Variants in RAD51B observed in about 807,000 individuals in gnomAD.
The protein encoded by RAD51B is RAD51 paralog B.
A neutral mutation model predicts 42.2 loss-of-function variants in RAD51B; 38 were observed. The observed-to-expected ratio is 0.90, with a 90% confidence interval of 0.70 to 1.18. RAD51B has a LOEUF of 1.18. RAD51B is among the 50% of genes most tolerant of loss of function. The pLI, the probability that RAD51B is intolerant of heterozygous loss-of-function variation, is 0.00. For synonymous variants in RAD51B, 154 were observed against 145.2 expected, an observed-to-expected ratio of 1.06 and a Z score of -0.43; for missense variants, 373 against 400.7, an observed-to-expected ratio of 0.93 and a Z score of 0.59.
At chr14:68,137,359 G>A (rs913535593) in intron 7 of RAD51B, among the ~76,000 whole-genome samples, 1 of 152,136 alleles carries the variant, frequency 6.6e-6, no homozygotes, top group African/African-American at 2.4e-5. Context: ...GCTATGGTAA[G>A]AAATTACTAC....
chr14:68,326,027 C>CTTTTTTTTTTTTTT (rs1156621815), intron 8 of RAD51B, among the ~76,000 whole-genome samples: 1 of 51,636 alleles, frequency 1.9e-5, no homozygotes, highest in Non-Finnish European at 4.3e-5. Context: ...TGTTGTTATT[C>CTTTTTTTTTTTTTT]TTTTTCTTTT....
At chr14:68,010,339 A>G (rs149740409) in intron 7 of RAD51B, among the ~76,000 whole-genome samples, 3 of 152,020 alleles carry the variant, frequency 2.0e-5, no homozygotes, top group African/African-American at 7.2e-5. Flanking sequence ...ATGCAAGTCA[A>G]TATATAATCA....
chr14:68,226,501 T>A (rs1382968827), intron 7 of RAD51B, among the ~76,000 whole-genome samples: 3 of 152,164 alleles, frequency 2.0e-5, no homozygotes, highest in African/African-American at 7.2e-5. Flanking sequence ...GGGTCTTTCC[T>A]GTGCTGTTTT....
intron 8 of RAD51B, among the ~76,000 whole-genome samples, chr14:68,351,009 G>A (rs1182522549): frequency 6.6e-6 from 1 of 152,184 alleles, no homozygotes; most frequent in Non-Finnish European, 1.5e-5. Context: ...ATTTTCAGTA[G>A]CTCCACTGAA....
intron 10 of RAD51B, chr14:68,562,376 A>G (rs981622481): frequency 2.0e-6 from 2 of 985,358 alleles, no homozygotes; most frequent in Non-Finnish European, 1.2e-6. Context: ...AAGGCTCTTG[A>G]GCAAATGCAG....
At chr14:68,387,882 A>G (rs1420992427) in intron 8 of RAD51B, among the ~76,000 whole-genome samples, 1 of 152,148 alleles carries the variant, frequency 6.6e-6, no homozygotes, top group Non-Finnish European at 1.5e-5. Flanking sequence ...AATTTCAAGG[A>G]CAGTATGAGG....
intron 7 of RAD51B, chr14:68,236,200 G>C (rs977365601): frequency 2.0e-5 from 3 of 152,060 alleles, no homozygotes; most frequent in Non-Finnish European, 4.4e-5. Context: ...ATGTGCCCCT[G>C]AACCTAAAAT....
chr14:68,549,082 C>G (rs1000221305), intron 10 of RAD51B, among the ~76,000 whole-genome samples: 1 of 152,132 alleles, frequency 6.6e-6, no homozygotes, highest in Non-Finnish European at 1.5e-5. Flanking sequence ...AGAGTGGGAG[C>G]TGAGGGTTTT....
chr14:67,865,230 C>A, intron 5 of RAD51B, 91 bp downstream of exon 5: 1 of 1,201,830 alleles, frequency 8.3e-7, no homozygotes, highest in Non-Finnish European at 1.1e-6. Flanking sequence ...TTTACCACCC[C>A]TCCCCCTTGC....
In RAD51B at chr14:68,497,180, A is replaced by C. The variant is rs898627902; in HGVS notation, c.1036+28930A>C. The stretch of plus-strand genomic sequence containing the variant: ...GCAAACCTGTTCATCTTGCCAAGAA[A>C]AATCCGCTTTTCTGCCACAGAAACA... On this transcript the variant is annotated intron_variant, in intron 10 of 10. Coordinates refer to the RAD51B transcript ENST00000487270. 3.6e-6 allele frequency: 5 copies of C among 1,395,714 alleles called. No homozygotes were observed. The African/African-American group carries it at 7.1e-5, about 20-fold the overall frequency. The allele number at this position is 1,395,714 out of a possible 1,614,324, so 86.5% of individuals were successfully genotyped here.
At chr14:68,494,848 T>C (rs2331706) in intron 10 of RAD51B, among the ~76,000 whole-genome samples, 100,214 of 151,568 alleles carry the variant, frequency 0.66, 34,322 homozygotes, top group African/African-American at 0.85. Context: ...GCAGAGTATG[T>C]GATAAGAGAT....
At chr14:68,525,993 T>C (rs969394248) in intron 10 of RAD51B, among the ~76,000 whole-genome samples, 31 of 152,250 alleles carry the variant, frequency 2.0e-4, no homozygotes, top group African/African-American at 7.5e-4. Flanking sequence ...GAAATTGGAA[T>C]TCCTGAGGCT....
chr14:67,931,500 C>CTTTTTT (rs539507230), intron 7 of RAD51B, among the ~76,000 whole-genome samples: 2 of 117,558 alleles, frequency 1.7e-5, no homozygotes, highest in African/African-American at 3.2e-5. Context: ...TCTGGGATTT[C>CTTTTTT]TTTTTTTTTT....
At chr14:68,088,892 A>T (rs1436892506) in intron 7 of RAD51B, among the ~76,000 whole-genome samples, 1 of 152,122 alleles carries the variant, frequency 6.6e-6, no homozygotes, top group Non-Finnish European at 1.5e-5. Context: ...AGTGGTGAGG[A>T]TGGAAAATGA....
intron 8 of RAD51B, among the ~76,000 whole-genome samples, chr14:68,377,750 C>G (rs1361560284): frequency 6.6e-6 from 1 of 152,210 alleles, no homozygotes; most frequent in Non-Finnish European, 1.5e-5. Flanking sequence ...GGCTTGTGCC[C>G]CGTTTTTGCT....
intron 7 of RAD51B, among the ~76,000 whole-genome samples, chr14:67,953,185 A>G (rs1182634557): frequency 6.6e-6 from 1 of 152,172 alleles, no homozygotes; most frequent in African/African-American, 2.4e-5. Flanking sequence ...TTTTATTAAC[A>G]TAAGTGCTTC....
chr14:67,916,772 T>C (rs2044164231), intron 7 of RAD51B, among the ~76,000 whole-genome samples: 1 of 151,986 alleles, frequency 6.6e-6, no homozygotes, highest in Non-Finnish European at 1.5e-5. Context: ...AAAGTAGTTA[T>C]TATTACTTAA....
intron 7 of RAD51B, among the ~76,000 whole-genome samples, chr14:68,029,653 T>A (rs1303064129): frequency 6.6e-6 from 1 of 152,220 alleles, no homozygotes; most frequent in Non-Finnish European, 1.5e-5. Flanking sequence ...AAGTAATGCA[T>A]GACAGCTGGA....
intron 9 of RAD51B, among the ~76,000 whole-genome samples, chr14:68,435,158 G>C (rs1445023639): frequency 6.6e-6 from 1 of 152,098 alleles, no homozygotes; most frequent in East Asian, 1.9e-4. Context: ...CATAGGTGTT[G>C]TTTTAAACCC....
Sources: gnomAD v4.1 joint callset for allele counts (sites outside exome capture counted in the v4.1 genomes callset) on GRCh38, gnomAD v4.1.1 for gene constraint, MANE v1.5 for transcripts, NCBI Gene and HGNC (gene_info 2026-07-23, HGNC 2026-07-21) for gene names.